Variants in MATN2 observed in about 807,000 individuals in gnomAD.
MATN2 encodes the protein matrilin-2.
Under a neutral mutation model 103.2 loss-of-function variants are expected in MATN2, and 69 were observed. That is an observed-to-expected ratio of 0.67 (90% confidence interval 0.55 to 0.82). The LOEUF (loss-of-function observed/expected upper bound fraction) is 0.82. MATN2 is among the 40% of genes least tolerant of loss of function. The pLI, the probability that MATN2 is intolerant of heterozygous loss-of-function variation, is 0.00. For synonymous variants in MATN2, 429 were observed against 450.2 expected, an observed-to-expected ratio of 0.95 and a Z score of 0.60; for missense variants, 1,023 against 1,211.5, an observed-to-expected ratio of 0.84 and a Z score of 2.31.
chr8:97,911,705 C>CA lies in MATN2; in HGVS notation c.143-19238dup, dbSNP rs570816662. 8.1e-3 allele frequency among the ~76,000 whole-genome samples: 1,185 copies of CA among 146,220 alleles called. 7 individuals carry two copies. The highest frequency in any genetic ancestry group is 0.019 in the South Asian group (86 of 4,544). ...CTGGTGACAGAGTGAGACTCTGTCTCAAAAAAAAAATAAAATAAAAAATAA... is the reference window on the plus strand; with the variant it reads ...CTGGTGACAGAGTGAGACTCTGTCTCAAAAAAAAAAATAAAATAAAAAATAA... On this transcript the variant is annotated intron_variant, in intron 2 of 18. Coordinates refer to ENST00000254898, the MANE Select transcript of MATN2 (RefSeq NM_002380.5).
Position 97,931,542 on chromosome 8 carries a change from C to G in MATN2, c.712+20C>G. 1 of 1,575,822 alleles carries G rather than the reference C, an allele frequency of 6.3e-7. No homozygotes were observed. Among genetic ancestry groups the G allele is most frequent in the Non-Finnish European group, 8.6e-7 (1 of 1,163,150 alleles). ...TGTGCAGTAAGTCCTGCTCCTTTGT[C>G]ACTCTTCTAGAGGAACCACTAGAAT... is the stretch of plus-strand genomic sequence containing the variant. On this transcript the variant is annotated intron_variant, in intron 3 of 18. Transcript: ENST00000254898. The surrounding 1 kb of genome is among the most constrained non-coding windows in gnomAD (Gnocchi z 4.1).
chr8:97,899,330 G>C (rs890283681), intron 2 of MATN2, among the ~76,000 whole-genome samples: 1 of 152,180 alleles, frequency 6.6e-6, no homozygotes, highest in Non-Finnish European at 1.5e-5. Context: ...TATAGGAAAA[G>C]TAAATTAACG....
chr8:97,972,200 T>C (rs567357259), intron 5 of MATN2, among the ~76,000 whole-genome samples: 1 of 151,746 alleles, frequency 6.6e-6, no homozygotes, highest in South Asian at 2.1e-4. Flanking sequence ...TAGCCAGGCA[T>C]GGTGGCACGT....
intron 10 of MATN2, among the ~76,000 whole-genome samples, chr8:98,010,222 G>T (rs1444313581): frequency 6.6e-6 from 1 of 152,052 alleles, no homozygotes; most frequent in Admixed American, 6.5e-5. Context: ...TCACCCCCAT[G>T]GGTAACCTCC....
chr8:97,929,705 TAGTC>T (rs1810115424), intron 2 of MATN2, among the ~76,000 whole-genome samples: 2 of 152,350 alleles, frequency 1.3e-5, no homozygotes, highest in East Asian at 1.9e-4. Context: ...AAATATTTCT[TAGTC>T]AGGTCCCCTT....
At chr8:97,875,144 C>A (rs970928501) in intron 1 of MATN2, among the ~76,000 whole-genome samples, 4 of 152,088 alleles carry the variant, frequency 2.6e-5, no homozygotes, top group Non-Finnish European at 4.4e-5. Context: ...CACATATTCC[C>A]AGCTTCTGGG....
intron 12 of MATN2, among the ~76,000 whole-genome samples, chr8:98,019,149 T>C (rs2094324811): frequency 6.6e-6 from 1 of 151,616 alleles, no homozygotes; most frequent in African/African-American, 2.4e-5. Flanking sequence ...GTGTGATGTA[T>C]ATATGTATAC....
At position 97,931,533 on chromosome 8, in the gene MATN2, C is replaced by G. The variant is rs1563675545; in HGVS notation, c.712+11C>G. 1.9e-6 allele frequency: 3 copies of G among 1,585,976 alleles called. No homozygotes were observed. The highest frequency in any genetic ancestry group is 2.6e-6 in the Non-Finnish European group (3 of 1,168,450). ...AGAAGAAGTTGTGCAGTAAGTCCTG[C>G]TCCTTTGTCACTCTTCTAGAGGAAC... On this transcript the variant is annotated intron_variant, in intron 3 of 18. Coordinates refer to ENST00000254898, the MANE Select transcript of MATN2 (RefSeq NM_002380.5). The surrounding 1 kb of genome is among the most constrained non-coding windows in gnomAD (Gnocchi z 4.1).
In MATN2 at chr8:97,941,792, G is replaced by A. The variant is rs754602786; in HGVS notation, c.728G>A (p.Ser243Asn). 2 of 1,601,168 alleles carry A rather than the reference G, an allele frequency of 1.2e-6. No individual in the cohort carries two copies. Among genetic ancestry groups the A allele is most frequent in the South Asian group, 2.3e-5 (2 of 88,778 alleles). The change falls in exon 4 of 19, where the codon AGC becomes AAC. Residue 243 changes from serine to asparagine, a missense_variant. Coordinates refer to ENST00000254898, the MANE Select transcript of MATN2 (RefSeq NM_002380.5). ...QKKLCTAHMC[S>N]TLEHNCAHFC... is the part of the protein sequence containing the mutation. ...TCCCTTTCAGCGGCCCATATGTGCA[G>A]CACCCTGGAGCATAACTGTGCCCAC...
intron 2 of MATN2, among the ~76,000 whole-genome samples, chr8:97,923,011 G>T (rs142660873): frequency 3.3e-5 from 5 of 152,310 alleles, no homozygotes; most frequent in African/African-American, 1.2e-4. Flanking sequence ...TGTTCTGCAT[G>T]CAGGGAATCT....
At chr8:97,873,820 G>A (rs1419427703) in intron 1 of MATN2, among the ~76,000 whole-genome samples, 1 of 152,030 alleles carries the variant, frequency 6.6e-6, no homozygotes, top group Non-Finnish European at 1.5e-5. Context: ...CAGAGACAGG[G>A]TCTCGCCATG....
intron 7 of MATN2, among the ~76,000 whole-genome samples, chr8:97,998,720 T>A (rs1251316657): frequency 8.7e-6 from 1 of 114,894 alleles, no homozygotes; most frequent in African/African-American, 3.3e-5. Flanking sequence ...TACCTCTTTT[T>A]GGTATTTATT....
chr8:97,939,186 G>A (rs1024666489), intron 3 of MATN2, among the ~76,000 whole-genome samples: 19 of 151,958 alleles, frequency 1.3e-4, no homozygotes, highest in Non-Finnish European at 1.2e-4. Context: ...CGAAAACATC[G>A]TATTTGATAT....
intron 5 of MATN2, among the ~76,000 whole-genome samples, chr8:97,973,267 A>T (rs576491111): frequency 2.6e-4 from 39 of 152,292 alleles, no homozygotes; most frequent in Non-Finnish European, 5.3e-4. Context: ...GAATGCGTGA[A>T]TCCTGCCTTG....
At chr8:97,971,935 C>T (rs1811665161) in intron 5 of MATN2, among the ~76,000 whole-genome samples, 1 of 151,638 alleles carries the variant, frequency 6.6e-6, no homozygotes, top group African/African-American at 2.4e-5. Context: ...GTGGCTCAAG[C>T]CTGTAATCCC....
At chr8:97,883,009 T>A in intron 1 of MATN2, among the ~76,000 whole-genome samples, 1 of 151,984 alleles carries the variant, frequency 6.6e-6, no homozygotes, top group East Asian at 1.9e-4. Context: ...GTGATAAGAG[T>A]TTACATAGTC....
intron 5 of MATN2, among the ~76,000 whole-genome samples, chr8:97,977,215 G>C (rs1405980722): frequency 1.8e-5 from 2 of 108,476 alleles, no homozygotes; most frequent in Non-Finnish European, 1.7e-5. Context: ...CAGCCTGGGA[G>C]ACAAAGTGAG....
chr8:97,993,564 A>G (rs1812468366), intron 6 of MATN2, among the ~76,000 whole-genome samples: 1 of 152,242 alleles, frequency 6.6e-6, no homozygotes, highest in African/African-American at 2.4e-5. Context: ...ATTTCATGAA[A>G]TACTTTTAAA....
chr8:97,990,204 A>G (rs71514973), intron 6 of MATN2, among the ~76,000 whole-genome samples: 1 of 147,166 alleles, frequency 6.8e-6, no homozygotes, highest in African/African-American at 2.5e-5. Flanking sequence ...AAAAAAAAAG[A>G]CAAGCCACTC....
Sources: allele counts gnomAD v4.1 joint callset (sites outside exome capture counted in the v4.1 genomes callset), GRCh38; gene constraint gnomAD v4.1.1; non-coding constraint Gnocchi (gnomAD v3.1); transcripts MANE v1.5; gene names NCBI Gene and HGNC (gene_info 2026-07-23, HGNC 2026-07-21).